The following FRMD4A variants were observed in gnomAD, a reference collection of about 807,000 sequenced individuals.
The protein encoded by FRMD4A is FERM domain-containing protein 4A.
In FRMD4A, 29 loss-of-function variants were observed where a neutral mutation model predicts 129.1. That is an observed-to-expected ratio of 0.22 (90% CI 0.17 to 0.31). FRMD4A has a LOEUF of 0.31. Among genes scored for constraint, FRMD4A ranks in the 10% least tolerant of loss-of-function variants. FRMD4A has a pLI of 1.00. For missense variants in FRMD4A, 1,272 were observed against 1,375.8 expected, an observed-to-expected ratio of 0.92 and a Z score of 1.19; for synonymous variants, 634 against 571.6, an observed-to-expected ratio of 1.11 and a Z score of -1.56.
chr10:13,731,851 T>C (rs1460269761), intron 12 of FRMD4A, among the ~76,000 whole-genome samples: 2 of 152,038 alleles, frequency 1.3e-5, no homozygotes, highest in African/African-American at 4.8e-5. Context: ...TATATGTTGT[T>C]CCAAAATACT....
chr10:13,953,082 T>G (rs1162001279), intron 2 of FRMD4A, among the ~76,000 whole-genome samples: 1 of 152,180 alleles, frequency 6.6e-6, no homozygotes, highest in Admixed American at 6.5e-5. Flanking sequence ...CCAGCTGATG[T>G]GAGGACTAAA....
At chr10:14,043,623 C>G (rs1438214795) in intron 2 of FRMD4A, among the ~76,000 whole-genome samples, 1 of 152,200 alleles carries the variant, frequency 6.6e-6, no homozygotes, top group Non-Finnish European at 1.5e-5. Context: ...CACTCCCCAG[C>G]ACCTGCTCTA....
At chr10:14,095,995 A>T (rs1836937388) in intron 2 of FRMD4A, among the ~76,000 whole-genome samples, 1 of 152,252 alleles carries the variant, frequency 6.6e-6, no homozygotes, top group East Asian at 1.9e-4. Context: ...CCCAGTTGTG[A>T]GAGGCTGTAA....
intron 2 of FRMD4A, among the ~76,000 whole-genome samples, chr10:14,128,812 C>T (rs1839070299): frequency 6.6e-6 from 1 of 152,090 alleles, no homozygotes; most frequent in African/African-American, 2.4e-5. Context: ...TTCAGCATGG[C>T]CTCAGCACTC....
At chr10:14,190,674 C>T (rs956474129) in intron 2 of FRMD4A, among the ~76,000 whole-genome samples, 3 of 152,174 alleles carry the variant, frequency 2.0e-5, no homozygotes, top group East Asian at 3.8e-4. Flanking sequence ...GCGTGAGCCC[C>T]GGCATCTGTC....
At chr10:14,113,657 T>C (rs1838045193) in intron 2 of FRMD4A, among the ~76,000 whole-genome samples, 2 of 152,168 alleles carry the variant, frequency 1.3e-5, no homozygotes, top group African/African-American at 2.4e-5. Flanking sequence ...AAAAAAGCCA[T>C]TTTCAGAAAT....
chr10:13,972,282 C>T (rs890174224), intron 2 of FRMD4A: 1 of 989,208 alleles, frequency 1.0e-6, no homozygotes, highest in Non-Finnish European at 1.2e-6. Flanking sequence ...CATTCCATCC[C>T]TTTTCTTAAC....
chr10:13,855,219 C>T (rs947855240), intron 3 of FRMD4A, among the ~76,000 whole-genome samples: 1 of 152,118 alleles, frequency 6.6e-6, no homozygotes, highest in Non-Finnish European at 1.5e-5. Context: ...GTTTACAGTG[C>T]TGCATGAAAT....
chr10:13,859,153 G>A (rs755967309), intron 2 of FRMD4A, among the ~76,000 whole-genome samples: 18 of 152,242 alleles, frequency 1.2e-4, no homozygotes, highest in Admixed American at 1.0e-3. Flanking sequence ...CAAGGTGGGC[G>A]GATCACCTGA....
At chr10:14,107,112 T>C (rs554219670) in intron 2 of FRMD4A, among the ~76,000 whole-genome samples, 1 of 152,220 alleles carries the variant, frequency 6.6e-6, no homozygotes, top group South Asian at 2.1e-4. Flanking sequence ...GAAAACCAAA[T>C]ATTGCATGTT....
chr10:13,869,618 C>G (rs1485783800), intron 2 of FRMD4A, among the ~76,000 whole-genome samples: 1 of 152,242 alleles, frequency 6.6e-6, no homozygotes, highest in Admixed American at 6.5e-5. Flanking sequence ...AGGGCAGAAG[C>G]CGCTCACAGG....
At chr10:14,180,623 C>T (rs907312426) in intron 2 of FRMD4A, among the ~76,000 whole-genome samples, 18 of 152,226 alleles carry the variant, frequency 1.2e-4, no homozygotes, top group Non-Finnish European at 2.5e-4. Context: ...ATGCCTATTA[C>T]TGTGTGGCAC....
chr10:13,840,703 G>A (rs190840262), intron 3 of FRMD4A, among the ~76,000 whole-genome samples: 21 of 147,310 alleles, frequency 1.4e-4, no homozygotes, highest in African/African-American at 4.5e-4. Context: ...CATGAGAATC[G>A]CTTGAACCCA....
In FRMD4A at chr10:13,659,505, A is replaced by T. The variant is rs780738869; in HGVS notation, c.1899-15T>A. The T allele has an allele frequency of 6.2e-7, 1 of 1,607,594 alleles. No homozygotes were observed. Among genetic ancestry groups the T allele is most frequent in the Non-Finnish European group, 8.5e-7 (1 of 1,176,010 alleles). ...GCTTGTGGCTGCTGCAAAGCCAAGG[A>T]TGCCACGTGGTCACCGCCAGACAGA... is the stretch of plus-strand genomic sequence containing the variant. On this transcript the variant is annotated splice_polypyrimidine_tract_variant and intron_variant, in intron 20 of 24. Transcript: ENST00000357447.
rs888193042 is a variant in FRMD4A, at chr10:13,883,925, T to A, written c.46-25013A>T. ...CTGCTGCCTGTGTGTGCCTGTTTAA[T>A]CAGTCTCCAGAAGACAGATGATCTC... On this transcript the variant is annotated intron_variant, in intron 2 of 24. Transcript: ENST00000357447. Among the ~76,000 whole-genome samples the A allele has an allele frequency of 3.3e-5, 5 of 152,318 alleles. No homozygotes were observed. In the South Asian group the frequency reaches 1.0e-3, roughly 32 times the overall value.
intron 6 of FRMD4A, among the ~76,000 whole-genome samples, chr10:13,772,377 G>A (rs73593014): frequency 0.026 from 3,931 of 151,822 alleles, 91 homozygotes; most frequent in African/African-American, 0.053. Context: ...CCTACAGGTC[G>A]AGGGTTCAGG....
rs573022262 is a variant in FRMD4A, at chr10:13,650,853, C to T, written c.*2+1050G>A. 7.2e-5 allele frequency among the ~76,000 whole-genome samples: 11 copies of T among 152,316 alleles called. No homozygotes were observed. The East Asian group carries it at 7.7e-4, about 11-fold the overall frequency. On this transcript the variant is annotated intron_variant, in intron 24 of 24. Transcript: ENST00000357447. Reference sequence around the variant, plus strand: ...CACCTGTCTAAGCCCCCTCCTCCCACGGCAGGCTTCTGAGCCAGGCTCACA... The same window carrying T: ...CACCTGTCTAAGCCCCCTCCTCCCATGGCAGGCTTCTGAGCCAGGCTCACA...
At chr10:13,766,595 C>G (rs1401143533) in intron 6 of FRMD4A, among the ~76,000 whole-genome samples, 1 of 152,166 alleles carries the variant, frequency 6.6e-6, no homozygotes, top group African/African-American at 2.4e-5. Flanking sequence ...TGGATAAGAA[C>G]CAATCTAGGG....
At position 13,660,587 on chromosome 10, in the gene FRMD4A, C is replaced by T. The variant is rs75598361; in HGVS notation, c.1661-34G>A. 3,928 of 1,350,312 alleles carry T rather than the reference C, an allele frequency of 2.9e-3. 88 individuals carry two copies. The African/African-American group carries it at 0.05, about 17-fold the overall frequency. The allele number at this position is 1,350,312 out of a possible 1,614,324, so 83.6% of individuals were successfully genotyped here. A position where few individuals can be genotyped will look rare whatever the true frequency, so the allele number is the denominator to read the frequency against. ...AGACAGGAAGAGAGGAACTGAGCCC[C>T]GGTCATCCTTCCCACAGGCTGAGAC... On this transcript the variant is annotated intron_variant, in intron 19 of 24. Coordinates refer to ENST00000357447, the MANE Select transcript of FRMD4A (RefSeq NM_018027.5).
Sources: gnomAD v4.1 joint callset for allele counts (sites outside exome capture counted in the v4.1 genomes callset) on GRCh38, gnomAD v4.1.1 for gene constraint, MANE v1.5 for transcripts, NCBI Gene and HGNC (gene_info 2026-07-23, HGNC 2026-07-21) for gene names.